HPD: variants seen among roughly 807,000 people sequenced by gnomAD.
The protein encoded by HPD is 4-hydroxyphenylpyruvate dioxygenase.
A neutral mutation model predicts 56.9 loss-of-function variants in HPD; 35 were observed. The ratio of observed to expected loss-of-function variants is 0.62; its 90% CI spans 0.47 to 0.82. HPD has a LOEUF of 0.82. HPD is among the 40% of genes least tolerant of loss of function. The pLI is 0.00. For synonymous variants in HPD, 186 were observed against 200.2 expected (o/e 0.93, Z 0.60); for missense variants, 442 against 506.8 (o/e 0.87, Z 1.23).
At chr12:121,862,384 G>A (rs1295666462), upstream of HPD, among the ~76,000 whole-genome samples, 2 of 146,378 alleles carry the variant, frequency 1.4e-5, no homozygotes, top group African/African-American at 2.5e-5. Context: ...TACAACCTCC[G>A]CCTCCCAGGT....
At chr12:121,887,986 C>T in the HPD span, among the ~76,000 whole-genome samples, 1 of 152,116 alleles carries the variant, frequency 6.6e-6, no homozygotes, top group African/African-American at 2.4e-5. Context: ...GAATTTTGGC[C>T]TCACATTTTG....
the HPD span, among the ~76,000 whole-genome samples, chr12:121,870,201 C>T: frequency 6.6e-6 from 1 of 151,826 alleles, no homozygotes; most frequent in East Asian, 1.9e-4. Flanking sequence ...ATAATGTTAA[C>T]ACAAACTAAA....
In HPD at chr12:121,843,719, A is replaced by T; in HGVS notation, c.945T>A (p.Asp315Glu). ...TAKIKVKENIDALEELKILVD... is the reference protein window; with the variant it reads ...TAKIKVKENIEALEELKILVD... ...CCTGCCTGGGCCTCACCTCCAGGGC[A>T]TCAATGTTCTCCTTCACCTTGATCT... The change falls in exon 12 of 14, where the codon GAT becomes GAA. Residue 315 changes from aspartate to glutamate, a missense_variant. Physicochemically the swap from Asp to Glu is conservative, Grantham distance 45 (BLOSUM62 2). Coordinates refer to ENST00000289004, the MANE Select transcript of HPD (RefSeq NM_002150.3). 2.5e-6 allele frequency: 4 copies of T among 1,614,116 alleles called. No homozygotes were observed. The highest frequency in any genetic ancestry group is 3.4e-6 in the Non-Finnish European group (4 of 1,180,008).
chr12:121,878,695 A>G, the HPD span, among the ~76,000 whole-genome samples: 2 of 142,536 alleles, frequency 1.4e-5, no homozygotes, highest in African/African-American at 5.3e-5. Flanking sequence ...TTTTTTTGAG[A>G]CAGGTTCTCA....
At chr12:121,883,840 T>C in the HPD span, among the ~76,000 whole-genome samples, 1 of 152,128 alleles carries the variant, frequency 6.6e-6, no homozygotes, top group Non-Finnish European at 1.5e-5. Context: ...GCATATACTC[T>C]TCATGTGGAT....
At chr12:121,851,705 T>TTA (rs1877783507) in intron 7 of HPD, among the ~76,000 whole-genome samples, 1 of 5,296 alleles carries the variant, frequency 1.9e-4, no homozygotes, top group African/African-American at 3.7e-4. Flanking sequence ...ATTTATTTTT[T>TTA]TTTTTTTTTT....
intron 7 of HPD, among the ~76,000 whole-genome samples, chr12:121,850,354 G>C (rs1289834985): frequency 6.6e-6 from 1 of 151,528 alleles, no homozygotes; most frequent in East Asian, 2.0e-4. Context: ...ATGAACCCAG[G>C]AGGCAGAGCT....
chr12:121,880,282 A>G, the HPD span, among the ~76,000 whole-genome samples: 1 of 150,238 alleles, frequency 6.7e-6, no homozygotes, highest in Non-Finnish European at 1.5e-5. Flanking sequence ...GGCTCATTGC[A>G]ACCTCTGCCT....
chr12:121,842,146 T>A (rs949931886), intron 12 of HPD, among the ~76,000 whole-genome samples: 2 of 152,030 alleles, frequency 1.3e-5, no homozygotes, highest in Admixed American at 6.6e-5. Flanking sequence ...ACAAAAATGT[T>A]CTAAAATTGA....
At chr12:121,874,889 G>C in the HPD span, among the ~76,000 whole-genome samples, 3 of 151,860 alleles carry the variant, frequency 2.0e-5, no homozygotes, top group Non-Finnish European at 4.4e-5. Context: ...AACCTCCCGA[G>C]TAGCTGGGAT....
intron 4 of HPD, 185 bp downstream of exon 4, chr12:121,857,143 G>A (rs1878031124): frequency 1.7e-6 from 1 of 591,318 alleles, no homozygotes; most frequent in East Asian, 3.0e-5. Context: ...GCAGTGGCAC[G>A]ACGTTGGCTC....
At chr12:121,872,610 A>T in the HPD span, among the ~76,000 whole-genome samples, 2 of 151,646 alleles carry the variant, frequency 1.3e-5, no homozygotes, top group African/African-American at 4.8e-5. Flanking sequence ...TGCTCCGTTC[A>T]TGTCGTTTGG....
rs1878010797 is a variant in HPD at position 121,856,634 on chromosome 12, G to A, written c.199-9C>T. 2 of 1,614,048 alleles carry A rather than the reference G, an allele frequency of 1.2e-6. No individual in the cohort carries two copies. The highest frequency in any genetic ancestry group is 1.3e-5 in the African/African-American group (1 of 75,046). ...GAGAGGACAAACACAATCTAAGATA[G>A]GAGGAGAAGGAGGTGAGGCTAGTGG... is the stretch of plus-strand genomic sequence containing the variant. On this transcript the variant is annotated splice_polypyrimidine_tract_variant and intron_variant, in intron 4 of 13. Coordinates refer to ENST00000289004, the MANE Select transcript of HPD (RefSeq NM_002150.3).
intron 8 of HPD, 110 bp from the exon 9 acceptor site, chr12:121,849,186 A>T (rs1232307967): frequency 1.4e-6 from 1 of 729,710 alleles, no homozygotes; most frequent in Non-Finnish European, 2.5e-6. Flanking sequence ...TTGGAGTTCT[A>T]TTTTTTTGTA....
intron 5 of HPD, 70 bp from the exon 6 acceptor site, chr12:121,856,476 C>T: frequency 6.3e-7 from 1 of 1,593,068 alleles, no homozygotes; most frequent in East Asian, 2.2e-5. Flanking sequence ...TTTTAGTCTC[C>T]ATCCAGGCCC....
At chr12:121,874,180 C>T in the HPD span, 1 of 152,146 alleles carries the variant, frequency 6.6e-6, no homozygotes, top group Non-Finnish European at 1.5e-5. Context: ...CTATTTTTCT[C>T]CTCTCATTTT....
At position 121,858,731 on chromosome 12, in the gene HPD, G is replaced by A. The variant is rs772367255; in HGVS notation, c.4-18C>T. The A allele has an allele frequency of 6.2e-7, 1 of 1,614,136 alleles. No individual in the cohort carries two copies. Among genetic ancestry groups the A allele is most frequent in the South Asian group, 1.1e-5 (1 of 91,084 alleles). Reference sequence around the variant, plus strand: ...TAAGTCGTCTAAGGAGAAAAAGAAGGACAGTGAGACTTGGAGGTTCCAACA... The same window carrying A: ...TAAGTCGTCTAAGGAGAAAAAGAAGAACAGTGAGACTTGGAGGTTCCAACA... On this transcript the variant is annotated intron_variant, in intron 1 of 13. Coordinates refer to ENST00000289004, the MANE Select transcript of HPD (RefSeq NM_002150.3).
At chr12:121,887,677 C>T in the HPD span, among the ~76,000 whole-genome samples, 2 of 152,290 alleles carry the variant, frequency 1.3e-5, no homozygotes, top group South Asian at 2.1e-4. Context: ...TGGCCCATTG[C>T]ATTTAGTTGA....
chr12:121,850,238 G>C (rs183957628), intron 7 of HPD, among the ~76,000 whole-genome samples: 1 of 151,906 alleles, frequency 6.6e-6, no homozygotes, highest in African/African-American at 2.4e-5. Context: ...TGGCGAACAC[G>C]GTGAAATCCT....
Sources: allele counts gnomAD v4.1 joint callset (sites outside exome capture counted in the v4.1 genomes callset), GRCh38; gene constraint gnomAD v4.1.1; transcripts MANE v1.5; gene names NCBI Gene and HGNC (gene_info 2026-07-23, HGNC 2026-07-21).